LRP1B: variants seen among roughly 807,000 people sequenced by gnomAD.
LRP1B encodes LDL receptor related protein 1B, also known as low-density lipoprotein receptor-related protein 1B.
Under a neutral mutation model 556.6 loss-of-function variants are expected in LRP1B, and 217 were observed. The ratio of observed to expected loss-of-function variants is 0.39; its 90% confidence interval spans 0.35 to 0.44. The LOEUF (loss-of-function observed/expected upper bound fraction) is 0.44. Ranked by LOEUF, LRP1B falls within the 20% of genes least tolerant of loss-of-function variation. The pLI, the probability that LRP1B is intolerant of heterozygous loss-of-function variation, is 1.00. For missense variants in LRP1B, 5,053 were observed against 5,620.8 expected (o/e 0.90, Z 3.23); for synonymous variants, 2,047 against 1,865.8 (o/e 1.10, Z -2.50).
chr2:140,748,438 T>G (rs1688422285), intron 35 of LRP1B, among the ~76,000 whole-genome samples: 1 of 95,120 alleles, frequency 1.1e-5, no homozygotes, highest in Non-Finnish European at 2.1e-5. Flanking sequence ...TATTTATATA[T>G]ATATTATATA....
At chr2:141,356,034 C>T (rs1397727042) in intron 3 of LRP1B, among the ~76,000 whole-genome samples, 3 of 152,162 alleles carry the variant, frequency 2.0e-5, no homozygotes, top group Non-Finnish European at 4.4e-5. Context: ...ACCAACCTCT[C>T]TTATAGTAGA....
At chr2:141,972,347 TAGTG>T (rs1047666735) in intron 1 of LRP1B, among the ~76,000 whole-genome samples, 98 of 151,682 alleles carry the variant, frequency 6.5e-4, no homozygotes, top group African/African-American at 2.2e-3. Context: ...GCATATTGTT[TAGTG>T]AGTAATTCAA....
At chr2:140,765,428 T>G (rs1423743868) in intron 35 of LRP1B, among the ~76,000 whole-genome samples, 7 of 152,118 alleles carry the variant, frequency 4.6e-5, no homozygotes, top group Non-Finnish European at 2.9e-5. Context: ...CTTAACTAAG[T>G]GGAGCAATGG....
intron 6 of LRP1B, among the ~76,000 whole-genome samples, chr2:141,222,466 A>G (rs1485069327): frequency 2.0e-5 from 3 of 152,218 alleles, no homozygotes; most frequent in Non-Finnish European, 4.4e-5. Context: ...CGGAGCTGGT[A>G]CCATTTCTTC....
At chr2:141,616,288 TAA>T (rs11349855) in intron 2 of LRP1B, among the ~76,000 whole-genome samples, 36,182 of 137,366 alleles carry the variant, frequency 0.26, 5,103 homozygotes, top group East Asian at 0.46. Context: ...CTCAAGAAAA[TAA>T]AAAAAAAAAA....
chr2:140,781,123 G>A (rs1689684009), intron 32 of LRP1B, among the ~76,000 whole-genome samples: 1 of 152,156 alleles, frequency 6.6e-6, no homozygotes, highest in African/African-American at 2.4e-5. Flanking sequence ...TACAGGGTCA[G>A]TAAATAAATG....
intron 2 of LRP1B, among the ~76,000 whole-genome samples, chr2:141,789,585 C>T (rs1220764051): frequency 2.0e-5 from 3 of 151,700 alleles, no homozygotes; most frequent in Non-Finnish European, 4.4e-5. Flanking sequence ...ACCAACTTTC[C>T]TTTATGTTTT....
At chr2:141,517,948 A>T (rs1031338536) in intron 2 of LRP1B, among the ~76,000 whole-genome samples, 2 of 152,202 alleles carry the variant, frequency 1.3e-5, no homozygotes, top group Non-Finnish European at 2.9e-5. Flanking sequence ...GTATTCACTC[A>T]ACAAATATTT....
At chr2:141,225,657 T>C (rs927851361) in intron 6 of LRP1B, among the ~76,000 whole-genome samples, 1 of 152,112 alleles carries the variant, frequency 6.6e-6, no homozygotes, top group Non-Finnish European at 1.5e-5. Flanking sequence ...AAATAATAAA[T>C]ATCAGTTATC....
intron 87 of LRP1B, among the ~76,000 whole-genome samples, chr2:140,242,555 T>A (rs912983445): frequency 6.6e-6 from 1 of 151,170 alleles, no homozygotes; most frequent in Admixed American, 6.6e-5. Context: ...TATTGCTTGA[T>A]GTATAACAGA....
At chr2:141,342,635 C>A (rs1220396075) in intron 3 of LRP1B, among the ~76,000 whole-genome samples, 1 of 151,700 alleles carries the variant, frequency 6.6e-6, no homozygotes, top group Admixed American at 6.6e-5. Flanking sequence ...GATCGAAGAA[C>A]AACTTAATGA....
intron 3 of LRP1B, among the ~76,000 whole-genome samples, chr2:141,311,420 T>G (rs137909786): frequency 0.015 from 2,229 of 152,280 alleles, 31 homozygotes; most frequent in Middle Eastern, 0.044. Flanking sequence ...CTTTGGTGGT[T>G]TTACCAACAT....
At chr2:140,955,736 C>G (rs1191033727) in intron 18 of LRP1B, among the ~76,000 whole-genome samples, 1 of 151,530 alleles carries the variant, frequency 6.6e-6, no homozygotes, top group East Asian at 1.9e-4. Flanking sequence ...GTCTTTCTCT[C>G]AAGGGTAATC....
chr2:140,784,378 A>ACACACACG lies in LRP1B; in HGVS notation c.5360-8141_5360-8140insCGTGTGTG. 2.9e-5 allele frequency among the ~76,000 whole-genome samples: 3 copies of ACACACACG among 102,808 alleles called. 1 individual carries two copies. Among genetic ancestry groups the ACACACACG allele is most frequent in the Non-Finnish European group, 5.8e-5 (3 of 51,796 alleles). The allele number at this position is 102,808 out of a possible 152,430, so 67.4% of individuals were successfully genotyped here. On this transcript the variant is annotated intron_variant, in intron 32 of 90. Coordinates refer to ENST00000389484, the MANE Select transcript of LRP1B (RefSeq NM_018557.3). ...GAGATAATTGGAGGATTCTGCCTCC[A>ACACACACG]CACACACACACACACACACACACAC...
intron 41 of LRP1B, among the ~76,000 whole-genome samples, chr2:140,657,482 G>C (rs1684921100): frequency 6.6e-6 from 1 of 150,822 alleles, no homozygotes; most frequent in African/African-American, 2.4e-5. Context: ...GTGAACTATA[G>C]GCCAGTACTG....
intron 72 of LRP1B, among the ~76,000 whole-genome samples, chr2:140,362,654 T>C (rs1437258206): frequency 2.0e-5 from 3 of 151,588 alleles, no homozygotes; most frequent in Non-Finnish European, 4.4e-5. Context: ...ATTTCCTTTG[T>C]CCGCAATTTT....
At chr2:141,178,705 A>G (rs751489142) in intron 7 of LRP1B, among the ~76,000 whole-genome samples, 1 of 152,106 alleles carries the variant, frequency 6.6e-6, no homozygotes, top group Non-Finnish European at 1.5e-5. Context: ...GCCTAACCAG[A>G]TGACAAATTT....
intron 41 of LRP1B, among the ~76,000 whole-genome samples, chr2:140,625,693 T>A (rs1043068375): frequency 3.9e-5 from 6 of 152,096 alleles, no homozygotes; most frequent in African/African-American, 1.2e-4. Flanking sequence ...TACTACTACA[T>A]CTCTATTAGA....
intron 18 of LRP1B, among the ~76,000 whole-genome samples, chr2:140,971,127 G>C (rs985472230): frequency 5.3e-5 from 8 of 152,134 alleles, no homozygotes; most frequent in African/African-American, 1.9e-4. Flanking sequence ...AAAGAAAAAA[G>C]AAATGTAGTC....
Sources: gnomAD v4.1 joint callset for allele counts (sites outside exome capture counted in the v4.1 genomes callset) on GRCh38, gnomAD v4.1.1 for gene constraint, MANE v1.5 for transcripts, NCBI Gene and HGNC (gene_info 2026-07-23, HGNC 2026-07-21) for gene names.